IKBKG: variants seen among roughly 807,000 people sequenced by gnomAD.
The protein encoded by IKBKG is NF-kappa-B essential modulator.
A neutral mutation model predicts 13.7 loss-of-function variants in IKBKG; 2 were observed. The ratio of observed to expected loss-of-function variants is 0.15; its 90% confidence interval spans 0.06 to 0.46. The LOEUF (loss-of-function observed/expected upper bound fraction) is 0.46, where lower values mean the gene tolerates loss of function less well. Among genes scored for constraint, IKBKG ranks in the 20% least tolerant of loss-of-function variants. IKBKG has a pLI of 0.98. For missense variants in IKBKG, 53 were observed against 150.3 expected, an observed-to-expected ratio of 0.35 and a Z score of 3.39; for synonymous variants, 22 against 64.4, an observed-to-expected ratio of 0.34 and a Z score of 3.15.
intron 2 of IKBKG, among the ~76,000 whole-genome samples, chrX:154,553,513 T>C (rs1162985100): frequency 8.9e-6 from 1 of 112,527 alleles, no homozygotes; most frequent in Non-Finnish European, 1.9e-5. Flanking sequence ...GTCAGCTTGC[T>C]GTCAGGGGGC....
intron 2 of IKBKG, 101 bp downstream of exon 2, chrX:154,552,290 C>T: frequency 1.5e-6 from 1 of 681,029 alleles, no homozygotes; most frequent in South Asian, 3.3e-5. Context: ...ATGTGCTGCC[C>T]TCCCTCTTGG....
rs2070946414 is a variant in IKBKG, at chrX:154,552,029, A to G, written c.27A>G (p.Gln9=). 1 of 1,111,955 alleles carries G rather than the reference A, an allele frequency of 9.0e-7. No homozygotes were observed. Among genetic ancestry groups the G allele is most frequent in the East Asian group, 3.2e-5 (1 of 31,169 alleles). The allele number at this position is 1,111,955 out of a possible 1,213,427, so 91.6% of individuals were successfully genotyped here. The part of the protein sequence containing the change: MNRHLWKS[Q]LCEMVQPSGG... ...TGAATAGGCACCTCTGGAAGAGCCAACTGTGTGAGATGGTGCAGCCCAGTG... is the reference window on the plus strand; with the variant it reads ...TGAATAGGCACCTCTGGAAGAGCCAGCTGTGTGAGATGGTGCAGCCCAGTG... The change falls in exon 2 of 10, where the codon CAA becomes CAG. Residue 9 remains glutamine, a synonymous_variant. Transcript: ENST00000594239.
intron 7 of IKBKG, among the ~76,000 whole-genome samples, chrX:154,563,173 C>T (rs1399927768): frequency 3.4e-5 from 1 of 29,580 alleles, no homozygotes; most frequent in Non-Finnish European, 5.0e-5. Flanking sequence ...GGATTACAGG[C>T]GCCTGCCGCC....
intron 2 of IKBKG, among the ~76,000 whole-genome samples, chrX:154,552,739 G>A (rs782188931): frequency 4.5e-5 from 5 of 111,962 alleles, no homozygotes; most frequent in South Asian, 3.7e-4. Context: ...ACACCTCAGC[G>A]GAGGTGAAGG....
intron 2 of IKBKG, among the ~76,000 whole-genome samples, chrX:154,555,038 C>CCTGGCA (rs1366029634): frequency 5.4e-5 from 6 of 111,687 alleles, no homozygotes; most frequent in African/African-American, 2.0e-4. Flanking sequence ...CTGCTGACTG[C>CCTGGCA]CTGGCACTGG....
upstream of IKBKG, among the ~76,000 whole-genome samples, chrX:154,543,796 C>T (rs901919697): frequency 2.7e-5 from 3 of 109,945 alleles, no homozygotes; most frequent in Admixed American, 9.7e-5. Flanking sequence ...TGGGTTCAAG[C>T]GATTTTCCTG....
intron 2 of IKBKG, among the ~76,000 whole-genome samples, chrX:154,554,530 G>A (rs893607314): frequency 3.6e-5 from 4 of 112,058 alleles, no homozygotes; most frequent in African/African-American, 6.5e-5. Context: ...AGGCCCAGGC[G>A]GGGGGATCAC....
chrX:154,550,186 G>C (rs920784120), intron 1 of IKBKG, among the ~76,000 whole-genome samples: 4 of 108,301 alleles, frequency 3.7e-5, no homozygotes, highest in South Asian at 4.2e-4. Context: ...GATCAGATCG[G>C]TTGGGGGATA....
upstream of IKBKG, chrX:154,546,721 TACCGCCGCGC>T (rs1371188481): frequency 5.4e-6 from 5 of 923,529 alleles, no homozygotes; most frequent in Non-Finnish European, 7.4e-6. Flanking sequence ...GCGTGTATTT[TACCGCCGCGC>T]GGCGCAGCGC....
rs1183832299 is a variant in IKBKG, at chrX:154,562,937, C to T, written c.896C>T (p.Pro299Leu). The T allele has an allele frequency of 1.1e-5, 5 of 456,587 alleles. No homozygotes were observed. The South Asian group carries it at 1.3e-4, about 12-fold the overall frequency. 37.6% of individuals were successfully genotyped at this position (456,587 alleles called of 1,213,427 possible). The change falls in exon 7 of 10, where the codon CCG becomes CTG. Residue 299 changes from proline (P) to leucine (L), a missense_variant. Around this residue, in one of 3 missense-constraint regions of IKBKG, gnomAD observed 5 missense variants for 16.0 expected, o/e 0.31. Transcript: ENST00000594239. ...CACAAGATTGTGATGGAGACCGTTC[C>T]GGTGCTGAAGGCCCAGGTGAGGGCC... ...EQHKIVMETV[P>L]VLKAQADIYK... is the part of the protein sequence containing the mutation.
At chrX:154,548,796 C>G (rs1163997099) in intron 1 of IKBKG, among the ~76,000 whole-genome samples, 1 of 110,359 alleles carries the variant, frequency 9.1e-6, no homozygotes, top group Non-Finnish European at 1.9e-5. Flanking sequence ...GAACTCCTGA[C>G]CTCAGGTGAT....
upstream of IKBKG, chrX:154,545,984 C>T: frequency 8.3e-7 from 1 of 1,202,321 alleles, no homozygotes; most frequent in Non-Finnish European, 1.1e-6. Flanking sequence ...AAAGCTGAGG[C>T]ATGGAGCAGG....
At chrX:154,547,947 C>T (rs2070799578) in intron 1 of IKBKG, 1 of 753,684 alleles carries the variant, frequency 1.3e-6, no homozygotes, top group South Asian at 6.8e-5. Flanking sequence ...ACTCCTCCCT[C>T]CTCCTCCACT....
intron 2 of IKBKG, among the ~76,000 whole-genome samples, chrX:154,555,388 A>G (rs1407546550): frequency 3.6e-5 from 4 of 111,790 alleles, no homozygotes; most frequent in Admixed American, 1.9e-4. Flanking sequence ...ACCAGAATAC[A>G]AATGAATTCG....
intron 2 of IKBKG, among the ~76,000 whole-genome samples, chrX:154,555,872 G>T (rs1312665457): frequency 8.9e-6 from 1 of 112,959 alleles, no homozygotes; most frequent in Non-Finnish European, 1.9e-5. Flanking sequence ...GAGCCACAGT[G>T]CCTGGCCAAC....
At chrX:154,544,452 G>A (rs782063022), upstream of IKBKG, among the ~76,000 whole-genome samples, 8 of 112,536 alleles carry the variant, frequency 7.1e-5, no homozygotes, top group South Asian at 3.6e-4. Flanking sequence ...GAGCCACTGC[G>A]CCCAGCCAAT....
intron 2 of IKBKG, among the ~76,000 whole-genome samples, 171 bp from the exon 3 acceptor site, chrX:154,555,994 A>T (rs1194710449): frequency 8.8e-6 from 1 of 113,828 alleles, no homozygotes; most frequent in Non-Finnish European, 1.9e-5. Flanking sequence ...GAGTGTTGAG[A>T]CGCCATCCAC....
upstream of IKBKG, chrX:154,546,960 G>T (rs2070749510): frequency 8.6e-6 from 3 of 348,438 alleles, no homozygotes; most frequent in East Asian, 1.3e-4. Context: ...ACCACCCCTC[G>T]TGCGGGCGGG....
chrX:154,546,226 T>C (rs1557233262), upstream of IKBKG: 12 of 1,186,468 alleles, frequency 1.0e-5, no homozygotes, highest in East Asian at 3.0e-5. Context: ...AGTTAGCCCC[T>C]TTCTTGAGAG....
Sources: allele counts gnomAD v4.1 joint callset (sites outside exome capture counted in the v4.1 genomes callset), GRCh38; gene constraint gnomAD v4.1.1; regional missense constraint gnomAD v4.1.1; transcripts MANE v1.5; gene names NCBI Gene and HGNC (gene_info 2026-07-23, HGNC 2026-07-21).